Variants in STIM1 observed in about 807,000 individuals in gnomAD.
STIM1 encodes the protein stromal interaction molecule 1.
A neutral mutation model predicts 74.7 loss-of-function variants in STIM1; 25 were observed. The ratio of observed to expected loss-of-function variants is 0.33; its 90% confidence interval spans 0.24 to 0.47. STIM1 has a LOEUF of 0.47. Among genes scored for constraint, STIM1 ranks in the 20% least tolerant of loss-of-function variants. The pLI is 1.00. For synonymous variants in STIM1, 328 were observed against 348.8 expected (o/e 0.94, Z 0.66); for missense variants, 728 against 920.8 (o/e 0.79, Z 2.71).
At chr11:4,071,288 A>G (rs1385687299) in intron 6 of STIM1, among the ~76,000 whole-genome samples, 1 of 151,842 alleles carries the variant, frequency 6.6e-6, no homozygotes, top group African/African-American at 2.4e-5. Flanking sequence ...CTAGTTGGGA[A>G]GTCTTTGCAG....
chr11:4,001,945 T>A, intron 2 of STIM1, among the ~76,000 whole-genome samples: 2 of 134,622 alleles, frequency 1.5e-5, no homozygotes, highest in Non-Finnish European at 3.2e-5. Context: ...TCCTAGTCTC[T>A]GATAAAACAG....
At chr11:4,022,363 A>C (rs564356057) in intron 2 of STIM1, among the ~76,000 whole-genome samples, 4 of 147,094 alleles carry the variant, frequency 2.7e-5, no homozygotes, top group Middle Eastern at 3.6e-3. Context: ...AAAAGAGAGA[A>C]GATCATGTTG....
intron 2 of STIM1, among the ~76,000 whole-genome samples, chr11:3,968,441 C>A (rs561932767): frequency 2.6e-5 from 4 of 152,190 alleles, no homozygotes; most frequent in African/African-American, 7.2e-5. Flanking sequence ...TTCTCTCTTT[C>A]CTGCCAGCCT....
rs184624755 is a variant in STIM1, at chr11:4,015,069, G to T, written c.271-8804G>T. ...TTTACATTTAAGGTTTATATTGTTA[G>T]GTGTGAATTTGATCCTGTCAATATG... On this transcript the variant is annotated intron_variant, in intron 2 of 12. Coordinates refer to ENST00000526596, the MANE Select transcript of STIM1 (RefSeq NM_001382567.1). Among the ~76,000 whole-genome samples, 1,168 of 152,184 alleles carry T rather than the reference G, an allele frequency of 7.7e-3. 9 individuals are homozygous for T. The highest frequency in any genetic ancestry group is 0.017 in the Middle Eastern group (5 of 294).
At chr11:4,063,166 G>A (rs1170501681) in intron 5 of STIM1, among the ~76,000 whole-genome samples, 1 of 152,166 alleles carries the variant, frequency 6.6e-6, no homozygotes, top group African/African-American at 2.4e-5. Context: ...TCTTTTTGGG[G>A]TAATGATAAT....
At chr11:3,907,422 C>G (rs1425637802) in intron 1 of STIM1, among the ~76,000 whole-genome samples, 3 of 152,182 alleles carry the variant, frequency 2.0e-5, no homozygotes, top group African/African-American at 7.2e-5. Context: ...ACAAGTTTCA[C>G]TTACATGGAA....
chr11:3,955,671 G>GA (rs1380798607), intron 1 of STIM1, among the ~76,000 whole-genome samples: 2 of 151,834 alleles, frequency 1.3e-5, no homozygotes, highest in African/African-American at 2.4e-5. Context: ...CTCTATTAAA[G>GA]AAAAAATAAA....
chr11:3,931,270 G>T lies in STIM1; in HGVS notation c.140-36282G>T, dbSNP rs117225369. ...GAGTATGCAAAGGCTTACAGGCCAG[G>T]CAATAAGGATAAAGCCATGTCCATG... On this transcript the variant is annotated intron_variant, in intron 1 of 12. Coordinates refer to ENST00000526596, the MANE Select transcript of STIM1 (RefSeq NM_001382567.1). 2.6e-5 allele frequency among the ~76,000 whole-genome samples: 4 copies of T among 152,162 alleles called. No individual in the cohort carries two copies. The East Asian group carries it at 7.7e-4, about 29-fold the overall frequency.
intron 3 of STIM1, among the ~76,000 whole-genome samples, chr11:4,042,674 A>G (rs1262710961): frequency 6.6e-6 from 1 of 152,178 alleles, no homozygotes; most frequent in African/African-American, 2.4e-5. Flanking sequence ...TGGACTCCAG[A>G]CAAACTAGAG....
rs200982503 is a variant in STIM1, at chr11:4,070,072, C to A, written c.660C>A (p.Ile220=). 14 of 1,614,132 alleles carry A rather than the reference C, an allele frequency of 8.7e-6. No individual in the cohort carries two copies. The highest frequency in any genetic ancestry group is 1.7e-4 in the Middle Eastern group (1 of 6,056). Residue 220 remains isoleucine, a synonymous_variant, in exon 6 of 13, where the codon ATC becomes ATA. Transcript: ENST00000526596. ...HLKDFMLVVS[I]VIGVGGCWFA... ...AGGACTTCATGCTGGTGGTGTCTAT[C>A]GTTATTGGTGTGGGCGGCTGCTGGT...
At chr11:3,925,994 G>A (rs950380718) in intron 1 of STIM1, among the ~76,000 whole-genome samples, 7 of 152,084 alleles carry the variant, frequency 4.6e-5, no homozygotes, top group African/African-American at 1.7e-4. Context: ...CAATTAGATT[G>A]TTTTCGTCCT....
intron 3 of STIM1, among the ~76,000 whole-genome samples, chr11:4,025,978 AT>A (rs925080513): frequency 6.6e-6 from 1 of 152,310 alleles, no homozygotes; most frequent in Admixed American, 6.5e-5. Flanking sequence ...ATACCTGGTG[AT>A]TTGACAGACT....
At chr11:3,906,232 T>A (rs1282272749) in intron 1 of STIM1, among the ~76,000 whole-genome samples, 2 of 152,180 alleles carry the variant, frequency 1.3e-5, no homozygotes, top group Admixed American at 1.3e-4. Context: ...GTATTTTTAT[T>A]TGAGTTGAAT....
chr11:3,970,090 T>C (rs1215601203), intron 2 of STIM1, among the ~76,000 whole-genome samples: 2 of 149,324 alleles, frequency 1.3e-5, no homozygotes, highest in Admixed American at 6.6e-5. Context: ...TTTTTTTTTT[T>C]GTTACATCCT....
intron 12 of STIM1, chr11:4,088,867 C>T: frequency 2.2e-6 from 2 of 899,366 alleles, no homozygotes; most frequent in East Asian, 5.5e-5. Context: ...CCTATATCTC[C>T]CTAGGCTTCC....
At chr11:3,945,134 A>C (rs1438593751) in intron 1 of STIM1, among the ~76,000 whole-genome samples, 1 of 152,222 alleles carries the variant, frequency 6.6e-6, no homozygotes, top group African/African-American at 2.4e-5. Flanking sequence ...GCTCTTGAGC[A>C]AGTTACTTAT....
intron 12 of STIM1, chr11:4,086,784 C>G: frequency 1.3e-6 from 2 of 1,536,840 alleles, no homozygotes; most frequent in Non-Finnish European, 1.7e-6. Context: ...CTTCCTATTT[C>G]CTCCAGATGG....
chr11:3,883,914 T>A (rs1267159807), intron 1 of STIM1, among the ~76,000 whole-genome samples: 1 of 152,184 alleles, frequency 6.6e-6, no homozygotes, highest in Non-Finnish European at 1.5e-5. Flanking sequence ...CCCTACTGTG[T>A]GCCAGAAACT....
intron 1 of STIM1, among the ~76,000 whole-genome samples, chr11:3,909,628 T>A (rs997325108): frequency 1.3e-5 from 2 of 151,638 alleles, no homozygotes; most frequent in African/African-American, 4.8e-5. Flanking sequence ...ATTGAGACCA[T>A]CCTGGCTAAC....
Sources: allele counts gnomAD v4.1 joint callset (sites outside exome capture counted in the v4.1 genomes callset), GRCh38; gene constraint gnomAD v4.1.1; transcripts MANE v1.5; gene names NCBI Gene and HGNC (gene_info 2026-07-23, HGNC 2026-07-21).